The following ASAP2 variants were observed in gnomAD, a reference collection of about 807,000 sequenced individuals.
The protein encoded by ASAP2 is ArfGAP with SH3 domain, ankyrin repeat and PH domain 2, also known as arf-GAP with SH3 domain, ANK repeat and PH domain-containing protein 2.
In ASAP2, 45 loss-of-function variants were observed where a neutral mutation model predicts 131.4. That is an observed-to-expected ratio of 0.34 (90% CI 0.27 to 0.44). The LOEUF (loss-of-function observed/expected upper bound fraction) is 0.44, where lower values mean the gene tolerates loss of function less well. Ranked by LOEUF, ASAP2 falls within the 20% of genes least tolerant of loss-of-function variation. ASAP2 has a pLI of 1.00. For missense variants in ASAP2, 1,011 were observed against 1,297.0 expected (o/e 0.78, Z 3.39); for synonymous variants, 510 against 503.0 (o/e 1.01, Z -0.19).
intron 1 of ASAP2, among the ~76,000 whole-genome samples, chr2:9,258,976 G>A (rs999713964): frequency 4.6e-5 from 7 of 152,106 alleles, no homozygotes; most frequent in African/African-American, 7.2e-5. Flanking sequence ...CCAGTTTCGC[G>A]GGGCCAGACC....
At chr2:9,242,734 G>A (rs1572233462) in intron 1 of ASAP2, among the ~76,000 whole-genome samples, 3 of 152,166 alleles carry the variant, frequency 2.0e-5, no homozygotes, top group African/African-American at 4.8e-5. Context: ...TTCCTTTACT[G>A]TTCCAACTTT....
intron 16 of ASAP2, among the ~76,000 whole-genome samples, chr2:9,373,984 T>C (rs530379845): frequency 6.6e-6 from 1 of 152,364 alleles, no homozygotes; most frequent in Non-Finnish European, 1.5e-5. Context: ...CTCATGGTGC[T>C]ACTGTGAGGA....
At chr2:9,226,024 G>C (rs1662738427) in intron 1 of ASAP2, among the ~76,000 whole-genome samples, 1 of 152,210 alleles carries the variant, frequency 6.6e-6, no homozygotes, top group Admixed American at 6.5e-5. Flanking sequence ...GGTTCTGCCA[G>C]GGAGGAGATG....
chr2:9,393,787 G>A, intron 24 of ASAP2, 140 bp downstream of exon 24: 1 of 911,768 alleles, frequency 1.1e-6, no homozygotes, highest in Non-Finnish European at 1.6e-6. Flanking sequence ...CGGGGCTGAA[G>A]GGTCTTAAAA....
At position 9,389,903 on chromosome 2, in the gene ASAP2, G is replaced by A. The variant is rs1338119057; in HGVS notation, c.2384-1159G>A. Among the ~76,000 whole-genome samples the A allele has an allele frequency of 6.6e-6, 1 of 152,114 alleles. No individual in the cohort carries two copies. Among genetic ancestry groups the A allele is most frequent in the Non-Finnish European group, 1.5e-5 (1 of 68,004 alleles). The stretch of plus-strand genomic sequence containing the variant: ...GCTGGTCGGGGCCCAGGGTGGGTGC[G>A]GCTTTCTCCCCGCCTCTCCCAGATC... On this transcript the variant is annotated intron_variant, in intron 22 of 27. Coordinates refer to ENST00000281419, the MANE Select transcript of ASAP2 (RefSeq NM_003887.3). The surrounding 1 kb of genome is among the most constrained non-coding windows in gnomAD (Gnocchi z 4.7).
chr2:9,329,363 C>T (rs566686263), intron 7 of ASAP2, among the ~76,000 whole-genome samples: 1 of 152,218 alleles, frequency 6.6e-6, no homozygotes, highest in African/African-American at 2.4e-5. Flanking sequence ...ATCTGCCAGG[C>T]GCTATTAGGG....
In ASAP2 at chr2:9,401,328, C is replaced by T. The variant is rs1373175739; in HGVS notation, c.2878C>T (p.Pro960Ser). The change falls in exon 27 of 28, where the codon CCC becomes TCC. Residue 960 changes from proline (P) to serine (S), a missense_variant. Transcript: ENST00000281419. The part of the protein sequence containing the change: ...KALYNCVADN[P>S]DELTFSEGDV... ...GCTCTATAACTGTGTGGCTGACAAC[C>T]CCGATGAGCTCACCTTCTCCGAGGG... is the stretch of plus-strand genomic sequence containing the variant. 1 of 1,613,524 alleles carries T rather than the reference C, an allele frequency of 6.2e-7. No individual in the cohort carries two copies. The highest frequency in any genetic ancestry group is 1.3e-5 in the African/African-American group (1 of 74,892).
intron 24 of ASAP2, chr2:9,398,857 C>T (rs1167170077): frequency 6.6e-6 from 1 of 151,982 alleles, no homozygotes; most frequent in Non-Finnish European, 1.5e-5. Context: ...TACTATCTGC[C>T]TCTTTAAAGA....
At chr2:9,222,364 C>A (rs1375259294) in intron 1 of ASAP2, among the ~76,000 whole-genome samples, 1 of 152,150 alleles carries the variant, frequency 6.6e-6, no homozygotes, top group Non-Finnish European at 1.5e-5. Flanking sequence ...AGATATTTGC[C>A]TTGTCTGGCC....
In ASAP2 at chr2:9,393,489, G is replaced by T; in HGVS notation, c.2526G>T (p.Leu842=). 1.6e-5 allele frequency: 25 copies of T among 1,605,824 alleles called. No individual in the cohort carries two copies. The highest frequency in any genetic ancestry group is 2.0e-5 in the Non-Finnish European group (24 of 1,176,626). The change falls in exon 24 of 28, where the codon CTG becomes CTT. Residue 842 remains leucine, a synonymous_variant. Coordinates refer to ENST00000281419, the MANE Select transcript of ASAP2 (RefSeq NM_003887.3). ...TCTCCCTGTCCTCCGCAGATCCCCT[G>T]ACCCCCACGCCGCCCCCACCCGTTG... The part of the protein sequence containing the change: ...PPLRVTSTNP[L]TPTPPPPVAK...
rs1572223462 is a variant in ASAP2 at position 9,238,578 on chromosome 2, C to T, written c.126+31348C>T. ...TACAGGTCTCCCTGGAGATGGAAAA[C>T]CATAGCACTGGTTTAAGTACAGTGT... On this transcript the variant is annotated intron_variant, in intron 1 of 27. Transcript: ENST00000281419. Among the ~76,000 whole-genome samples, 5 of 152,302 alleles carry T rather than the reference C, an allele frequency of 3.3e-5. No individual in the cohort carries two copies. The South Asian group carries it at 1.0e-3, about 32-fold the overall frequency.
At chr2:9,300,851 A>G (rs1668430028) in intron 3 of ASAP2, among the ~76,000 whole-genome samples, 1 of 152,220 alleles carries the variant, frequency 6.6e-6, no homozygotes, top group South Asian at 2.1e-4. Flanking sequence ...TCAAGTTTCA[A>G]CTTGCACTTT....
intron 1 of ASAP2, among the ~76,000 whole-genome samples, chr2:9,243,686 T>G (rs1210194765): frequency 6.6e-6 from 1 of 152,240 alleles, no homozygotes; most frequent in East Asian, 1.9e-4. Flanking sequence ...CTAGATTAAG[T>G]TGAGGCAGAA....
rs1167547534 is a variant in ASAP2, at chr2:9,254,208, C to CAA, written c.127-25081_127-25080dup. On this transcript the variant is annotated intron_variant, in intron 1 of 27. Coordinates refer to ENST00000281419, the MANE Select transcript of ASAP2 (RefSeq NM_003887.3). ...CCTGGGGAACAGAGGGAGACTGTCT[C>CAA]AAAAAAAAAAAAAAAAAAAAAAAAA... is the stretch of plus-strand genomic sequence containing the variant. Among the ~76,000 whole-genome samples, 71 of 15,626 alleles carry CAA rather than the reference C, an allele frequency of 4.5e-3. 21 individuals carry two copies. Among genetic ancestry groups the CAA allele is most frequent in the African/African-American group, 0.02 (60 of 3,000 alleles). 10.3% of individuals were successfully genotyped at this position (15,626 alleles called of 152,430 possible).
chr2:9,357,499 C>G (rs754891312), intron 14 of ASAP2, among the ~76,000 whole-genome samples: 1 of 151,914 alleles, frequency 6.6e-6, no homozygotes, highest in Non-Finnish European at 1.5e-5. Context: ...ACAAAAAACC[C>G]GAAAATACGT....
At chr2:9,284,493 A>T (rs750909764) in intron 2 of ASAP2, among the ~76,000 whole-genome samples, 1 of 152,186 alleles carries the variant, frequency 6.6e-6, no homozygotes, top group Non-Finnish European at 1.5e-5. Context: ...AAAGCTAGCA[A>T]TGCCACTCAA....
intron 3 of ASAP2, among the ~76,000 whole-genome samples, chr2:9,300,993 G>A (rs1281096801): frequency 6.6e-6 from 1 of 152,262 alleles, no homozygotes; most frequent in African/African-American, 2.4e-5. Flanking sequence ...TGCACAGCCA[G>A]AGGAAGGCCC....
chr2:9,361,974 C>CGT (rs70948815), intron 15 of ASAP2, among the ~76,000 whole-genome samples: 10,422 of 143,172 alleles, frequency 0.073, 411 homozygotes, highest in Admixed American at 0.12. Flanking sequence ...TCTTTCTCTG[C>CGT]GTGTGTGTGT....
intron 9 of ASAP2, among the ~76,000 whole-genome samples, chr2:9,341,788 C>T (rs1671597682): frequency 6.6e-6 from 1 of 152,154 alleles, no homozygotes; most frequent in African/African-American, 2.4e-5. Flanking sequence ...CGATGTTCCG[C>T]CCTTCTGAGA....
Sources: gnomAD v4.1 joint callset for allele counts (sites outside exome capture counted in the v4.1 genomes callset) on GRCh38, gnomAD v4.1.1 for gene constraint, Gnocchi (gnomAD v3.1) non-coding constraint, MANE v1.5 for transcripts, NCBI Gene and HGNC (gene_info 2026-07-23, HGNC 2026-07-21) for gene names.